The following ZMYM1 variants were observed in gnomAD, a reference collection of about 807,000 sequenced individuals.
ZMYM1 encodes zinc finger MYM-type protein 1.
A neutral mutation model predicts 60.0 loss-of-function variants in ZMYM1; 39 were observed. The ratio of observed to expected loss-of-function variants is 0.65; its 90% CI spans 0.50 to 0.85. ZMYM1 has a LOEUF of 0.85. Ranked by LOEUF, ZMYM1 falls within the 40% of genes least tolerant of loss-of-function variation. The probability of loss-of-function intolerance (pLI) is 0.00; values close to 1 mark genes in which losing one functional copy is unlikely to be tolerated. For missense variants in ZMYM1, 1,171 were observed against 1,309.5 expected, an observed-to-expected ratio of 0.89 and a Z score of 1.63; for synonymous variants, 413 against 454.0, an observed-to-expected ratio of 0.91 and a Z score of 1.15.
intron 1 of ZMYM1, among the ~76,000 whole-genome samples, chr1:35,062,452 T>G (rs1641893232): frequency 6.6e-6 from 1 of 152,232 alleles, no homozygotes; most frequent in East Asian, 1.9e-4. Context: ...CCATTTCTAT[T>G]GACTCTTATT....
At chr1:35,062,426 T>C (rs1271861701) in intron 1 of ZMYM1, among the ~76,000 whole-genome samples, 1 of 152,250 alleles carries the variant, frequency 6.6e-6, no homozygotes, top group East Asian at 1.9e-4. Flanking sequence ...ATGAAGGTGA[T>C]ACTATCTTTT....
At chr1:35,066,082 A>T (rs528511688) in intron 1 of ZMYM1, among the ~76,000 whole-genome samples, 69 of 152,218 alleles carry the variant, frequency 4.5e-4, no homozygotes, top group Non-Finnish European at 9.4e-4. Context: ...AGATGATTTC[A>T]CAAGGAATCT....
chr1:35,094,659 A>C (rs1643212272), intron 2 of ZMYM1, among the ~76,000 whole-genome samples: 1 of 152,110 alleles, frequency 6.6e-6, no homozygotes, highest in South Asian at 2.1e-4. Flanking sequence ...GTTTGAGACC[A>C]ACTGGATGAC....
chr1:35,098,863 G>C (rs1643483367), intron 4 of ZMYM1, among the ~76,000 whole-genome samples: 1 of 133,332 alleles, frequency 7.5e-6, no homozygotes, highest in East Asian at 2.1e-4. Context: ...GCTGAGATCA[G>C]GCCACTGCAC....
chr1:35,106,053 A>G (rs1003417417), intron 6 of ZMYM1, among the ~76,000 whole-genome samples: 40 of 152,126 alleles, frequency 2.6e-4, no homozygotes, highest in African/African-American at 9.7e-4. Flanking sequence ...CCAGGAGTTC[A>G]GAACCAGCCT....
intron 6 of ZMYM1, among the ~76,000 whole-genome samples, chr1:35,108,002 C>T (rs565397216): frequency 7.2e-5 from 11 of 151,892 alleles, no homozygotes; most frequent in Admixed American, 1.3e-4. Context: ...CCCAGCTACC[C>T]GGGAGGCTGA....
At chr1:35,106,608 CAAAAAAAA>C (rs752085700) in intron 6 of ZMYM1, among the ~76,000 whole-genome samples, 24 of 38,858 alleles carry the variant, frequency 6.2e-4, no homozygotes, top group African/African-American at 1.8e-3. Context: ...GACTCCGTCT[CAAAAAAAA>C]AAAAAAAAAA....
chr1:35,088,452 ATATGTGTGTGTGTGTG>A (rs1210825396), intron 1 of ZMYM1, among the ~76,000 whole-genome samples: 3 of 101,650 alleles, frequency 3.0e-5, no homozygotes, highest in Admixed American at 1.1e-4. Context: ...ATATATATAT[ATATGTGTGTGTGTGTG>A]TGTGTGTGTG....
chr1:35,116,360 C>T (rs1035307391), downstream of ZMYM1, among the ~76,000 whole-genome samples: 1 of 152,292 alleles, frequency 6.6e-6, no homozygotes, highest in African/African-American at 2.4e-5. Flanking sequence ...TTATACATCT[C>T]AGCTGGATGG....
intron 1 of ZMYM1, among the ~76,000 whole-genome samples, chr1:35,088,454 A>ATGTGTGTGTGTGTG (rs764350525): frequency 2.8e-5 from 3 of 107,284 alleles, no homozygotes; most frequent in Admixed American, 1.0e-4. Context: ...ATATATATAT[A>ATGTGTGTGTGTGTG]TGTGTGTGTG....
At chr1:35,071,217 A>G (rs1012791266) in intron 1 of ZMYM1, among the ~76,000 whole-genome samples, 2 of 151,830 alleles carry the variant, frequency 1.3e-5, no homozygotes, top group African/African-American at 4.8e-5. Context: ...TATCATATTG[A>G]TGTGAATATG....
chr1:35,095,101 G>T (rs374187346), intron 2 of ZMYM1, among the ~76,000 whole-genome samples: 1 of 151,998 alleles, frequency 6.6e-6, no homozygotes, highest in East Asian at 1.9e-4. Flanking sequence ...AGATATGGTG[G>T]CTATGAAATT....
chr1:35,064,118 G>C (rs761710656), intron 1 of ZMYM1, among the ~76,000 whole-genome samples: 2 of 152,074 alleles, frequency 1.3e-5, no homozygotes, highest in South Asian at 4.1e-4. Flanking sequence ...GAGGTCAGGA[G>C]TTCAAGACCA....
At chr1:35,082,701 C>A (rs762496031) in intron 1 of ZMYM1, among the ~76,000 whole-genome samples, 1 of 149,716 alleles carries the variant, frequency 6.7e-6, no homozygotes, top group East Asian at 2.1e-4. Flanking sequence ...CTTTAGTGGC[C>A]GGGCGTGGTG....
intron 4 of ZMYM1, among the ~76,000 whole-genome samples, chr1:35,101,036 C>G (rs767620143): frequency 6.6e-6 from 1 of 151,716 alleles, no homozygotes; most frequent in Non-Finnish European, 1.5e-5. Context: ...CTCCTGGGCT[C>G]AAGTGATCCT....
chr1:35,104,383 T>C lies in ZMYM1; in HGVS notation c.508T>C (p.Ser170Pro). Residue 170 changes from serine to proline, a missense_variant, in exon 5 of 10, where the codon TCA (serine) becomes CCA (proline). Ser to Pro is a moderately conservative substitution (Grantham distance 74). Transcript: ENST00000359858. The part of the protein sequence containing the change: ...KTFCSLSCLS[S>P]YEEKRKPFVT... ...TTTTTGCAGCCTATCTTGTCTTTCA[T>C]CATATGAAGAAAAAAGAAAACCATT... The C allele has an allele frequency of 6.2e-7, 1 of 1,613,356 alleles. No individual in the cohort carries two copies. The highest frequency in any genetic ancestry group is 2.2e-5 in the East Asian group (1 of 44,862).
At chr1:35,118,595 T>C (rs1206573275), downstream of ZMYM1, among the ~76,000 whole-genome samples, 1 of 151,980 alleles carries the variant, frequency 6.6e-6, no homozygotes, top group Non-Finnish European at 1.5e-5. Context: ...TAGTCCCAGC[T>C]ACTGGGGAGG....
intron 4 of ZMYM1, among the ~76,000 whole-genome samples, chr1:35,101,671 G>T (rs1019320969): frequency 6.6e-6 from 1 of 151,434 alleles, no homozygotes; most frequent in African/African-American, 2.4e-5. Context: ...TGTGGTCTGT[G>T]ATTTTACAGT....
In ZMYM1 at chr1:35,094,096, C is replaced by G. The variant is rs753331378; in HGVS notation, c.96+13C>G. On this transcript the variant is annotated intron_variant, in intron 2 of 9. Coordinates refer to ENST00000359858, the MANE Select transcript of ZMYM1 (RefSeq NM_024772.5). The stretch of plus-strand genomic sequence containing the variant: ...CGACAATGCTCAAGTAAATATTTTC[C>G]CTTATTTCCATTATTTCTAGAGCAG... 1 of 1,597,068 alleles carries G rather than the reference C, an allele frequency of 6.3e-7. No homozygotes were observed. The highest frequency in any genetic ancestry group is 1.1e-5 in the South Asian group (1 of 88,098).
Sources: allele counts gnomAD v4.1 joint callset (sites outside exome capture counted in the v4.1 genomes callset), GRCh38; gene constraint gnomAD v4.1.1; transcripts MANE v1.5; gene names NCBI Gene and HGNC (gene_info 2026-07-23, HGNC 2026-07-21).